The following EXT1 variants were observed in gnomAD, a reference collection of about 807,000 sequenced individuals.
EXT1 encodes exostosin glycosyltransferase 1.
In EXT1, 20 loss-of-function variants were observed where a neutral mutation model predicts 82.5. That is an observed-to-expected ratio of 0.24 (90% CI 0.17 to 0.35). The LOEUF (loss-of-function observed/expected upper bound fraction) is 0.35. Among genes scored for constraint, EXT1 ranks in the 10% least tolerant of loss-of-function variants. EXT1 has a pLI of 1.00. For missense variants in EXT1, 757 were observed against 936.5 expected (o/e 0.81, Z 2.50); for synonymous variants, 348 against 350.8 (o/e 0.99, Z 0.09).
intron 1 of EXT1, among the ~76,000 whole-genome samples, chr8:118,039,557 CA>C (rs71307422): frequency 0.051 from 4,234 of 82,326 alleles, 183 homozygotes; most frequent in African/African-American, 0.16. Context: ...GACTCCGTCA[CA>C]AAAAAAAAAA....
chr8:117,799,742 C>T lies in EXT1; in HGVS notation c.2211G>A (p.Arg737=). The T allele has an allele frequency of 6.2e-7, 1 of 1,614,110 alleles. No individual in the cohort carries two copies. The highest frequency in any genetic ancestry group is 1.3e-5 in the African/African-American group (1 of 75,020). Residue 737 remains arginine (R), a synonymous_variant, in exon 11 of 11, where the codon AGG becomes AGA. Transcript: ENST00000378204. Reference sequence around the variant, plus strand: ...GTCGCTCAATGTCTCGGTATTTCTTCCTCAAAATAGAGACCTGGTCTTTAA... The same window carrying T: ...GTCGCTCAATGTCTCGGTATTTCTTTCTCAAAATAGAGACCTGGTCTTTAA... ...VLFKDQVSIL[R]KKYRDIERL
At chr8:117,928,455 T>TA (rs1443226425) in intron 1 of EXT1, among the ~76,000 whole-genome samples, 1 of 152,244 alleles carries the variant, frequency 6.6e-6, no homozygotes, top group Non-Finnish European at 1.5e-5. Context: ...CACAGAATCT[T>TA]AAACTTTTTA....
At chr8:117,934,761 C>T (rs931974007) in intron 1 of EXT1, among the ~76,000 whole-genome samples, 4 of 152,164 alleles carry the variant, frequency 2.6e-5, no homozygotes, top group East Asian at 1.9e-4. Flanking sequence ...TCAGGCACTG[C>T]GGTACAGGAC....
chr8:118,030,832 C>T (rs1816298113), intron 1 of EXT1, among the ~76,000 whole-genome samples: 1 of 152,156 alleles, frequency 6.6e-6, no homozygotes, highest in Admixed American at 6.5e-5. Flanking sequence ...AATGTAATTC[C>T]TCTTTCCTGC....
At chr8:117,973,235 G>A (rs1356502902) in intron 1 of EXT1, among the ~76,000 whole-genome samples, 1 of 152,150 alleles carries the variant, frequency 6.6e-6, no homozygotes, top group Non-Finnish European at 1.5e-5. Context: ...CGTGATACAA[G>A]ACAAAATGAC....
intron 1 of EXT1, among the ~76,000 whole-genome samples, chr8:118,098,208 A>C (rs911844303): frequency 4.6e-5 from 7 of 152,194 alleles, no homozygotes; most frequent in African/African-American, 1.7e-4. Context: ...AAATGTGTGC[A>C]GGAAGTGTGC....
In EXT1 at chr8:117,919,112, C is replaced by G. The variant is rs569986951; in HGVS notation, c.963-81911G>C. Among the ~76,000 whole-genome samples the G allele has an allele frequency of 3.3e-5, 5 of 152,156 alleles. No individual in the cohort carries two copies. In the South Asian group the frequency reaches 1.0e-3, roughly 32 times the overall value. On this transcript the variant is annotated intron_variant, in intron 1 of 10. Coordinates refer to ENST00000378204, the MANE Select transcript of EXT1 (RefSeq NM_000127.3). Reference sequence around the variant, plus strand: ...TGGAGAAAAAAAGAATTCAACTTTACAGAAAAATAGCAAAATAGGAGAACT... The same window carrying G: ...TGGAGAAAAAAAGAATTCAACTTTAGAGAAAAATAGCAAAATAGGAGAACT...
intron 1 of EXT1, among the ~76,000 whole-genome samples, chr8:117,857,784 G>C (rs1228268672): frequency 6.6e-6 from 1 of 152,192 alleles, no homozygotes; most frequent in East Asian, 1.9e-4. Context: ...GACAGAGATG[G>C]TGATTCCTCT....
At chr8:117,939,021 C>T (rs1287143306) in intron 1 of EXT1, among the ~76,000 whole-genome samples, 6 of 151,990 alleles carry the variant, frequency 3.9e-5, no homozygotes, top group African/African-American at 1.2e-4. Flanking sequence ...AATCTCATGC[C>T]CCCTCCTTTT....
intron 1 of EXT1, among the ~76,000 whole-genome samples, chr8:117,858,821 G>A (rs28494799): frequency 6.1e-5 from 2 of 33,014 alleles, no homozygotes; most frequent in African/African-American, 1.1e-4. Flanking sequence ...AGGAAGGAAG[G>A]AAGGAAGGAA....
At chr8:117,864,094 A>G (rs1174000064) in intron 1 of EXT1, among the ~76,000 whole-genome samples, 3 of 152,314 alleles carry the variant, frequency 2.0e-5, no homozygotes, top group African/African-American at 7.2e-5. Flanking sequence ...TCCTCTCAAA[A>G]GGGAGAGAAC....
intron 1 of EXT1, among the ~76,000 whole-genome samples, chr8:118,102,221 C>T (rs925363472): frequency 1.3e-5 from 2 of 151,864 alleles, no homozygotes; most frequent in African/African-American, 4.8e-5. Flanking sequence ...GAGCCGAGAT[C>T]GCGCCACTGC....
intron 1 of EXT1, among the ~76,000 whole-genome samples, chr8:117,880,595 T>TC: frequency 1.5e-5 from 1 of 67,144 alleles, no homozygotes. Flanking sequence ...CTCTTTTTTC[T>TC]TTTTTTTTTT....
At chr8:118,013,743 A>C (rs574613060) in intron 1 of EXT1, among the ~76,000 whole-genome samples, 1 of 152,184 alleles carries the variant, frequency 6.6e-6, no homozygotes, top group Non-Finnish European at 1.5e-5. Context: ...ATAAACAACG[A>C]ATTTTCTAGT....
At chr8:117,813,937 C>A (rs17439624) in intron 7 of EXT1, among the ~76,000 whole-genome samples, 2,869 of 151,746 alleles carry the variant, frequency 0.019, 38 homozygotes, top group Admixed American at 0.043. Context: ...ACCCGGGAGG[C>A]AGAGGTTACA....
chr8:117,964,785 G>C (rs1586313245), intron 1 of EXT1, among the ~76,000 whole-genome samples: 1 of 152,190 alleles, frequency 6.6e-6, no homozygotes, highest in Middle Eastern at 3.4e-3. Flanking sequence ...TTACAGGCGT[G>C]TGCCACCATG....
At chr8:117,900,934 G>A (rs570096908) in intron 1 of EXT1, among the ~76,000 whole-genome samples, 1 of 152,338 alleles carries the variant, frequency 6.6e-6, no homozygotes, top group East Asian at 1.9e-4. Context: ...AGCACTAAGA[G>A]CATTCTCCAA....
chr8:118,103,342 T>C (rs769958969), intron 1 of EXT1, among the ~76,000 whole-genome samples: 6 of 152,118 alleles, frequency 3.9e-5, no homozygotes, highest in Non-Finnish European at 8.8e-5. Flanking sequence ...AGATAAGATC[T>C]CACTGTGTTA....
chr8:117,922,458 C>T (rs17453176), intron 1 of EXT1, among the ~76,000 whole-genome samples: 7,297 of 152,166 alleles, frequency 0.048, 264 homozygotes, highest in Middle Eastern at 0.15. Context: ...GCCAAGTTTT[C>T]GTTTCATTTA....
Sources: allele counts gnomAD v4.1 joint callset (sites outside exome capture counted in the v4.1 genomes callset), GRCh38; gene constraint gnomAD v4.1.1; transcripts MANE v1.5; gene names NCBI Gene and HGNC (gene_info 2026-07-23, HGNC 2026-07-21).